HDAC4: variants seen among roughly 807,000 people sequenced by gnomAD.
HDAC4 encodes the protein histone deacetylase 4.
Under a neutral mutation model 135.1 loss-of-function variants are expected in HDAC4, and 16 were observed. That is an observed-to-expected ratio of 0.12 (90% CI 0.08 to 0.18). The LOEUF (loss-of-function observed/expected upper bound fraction) is 0.18. Among genes scored for constraint, HDAC4 ranks in the 10% least tolerant of loss-of-function variants. The pLI, the probability that HDAC4 is intolerant of heterozygous loss-of-function variation, is 1.00. For synonymous variants in HDAC4, 685 were observed against 653.4 expected (o/e 1.05, Z -0.74); for missense variants, 1,143 against 1,511.8 (o/e 0.76, Z 4.05).
chr2:239,151,242 G>C (rs1575202540), intron 7 of HDAC4, among the ~76,000 whole-genome samples: 1 of 152,336 alleles, frequency 6.6e-6, no homozygotes, highest in East Asian at 1.9e-4. Context: ...ATGAGCTGTG[G>C]GACTTGACTA....
intron 1 of HDAC4, among the ~76,000 whole-genome samples, chr2:239,390,019 C>G (rs959586188): frequency 6.6e-6 from 1 of 152,136 alleles, no homozygotes; most frequent in African/African-American, 2.4e-5. Context: ...CTGGGAGCAG[C>G]GGGCAGGGCC....
At chr2:239,261,941 C>T (rs2049396969) in intron 2 of HDAC4, among the ~76,000 whole-genome samples, 1 of 152,220 alleles carries the variant, frequency 6.6e-6, no homozygotes, top group African/African-American at 2.4e-5. Context: ...CCTCGGGTTG[C>T]CTGGCGCCAT....
chr2:239,363,428 C>T (rs961657411), intron 1 of HDAC4, among the ~76,000 whole-genome samples: 4 of 152,180 alleles, frequency 2.6e-5, no homozygotes, highest in Non-Finnish European at 4.4e-5. Flanking sequence ...GGAGAATATG[C>T]TAGAATGAGA....
intron 1 of HDAC4, among the ~76,000 whole-genome samples, chr2:239,398,267 T>A (rs1696700309): frequency 6.6e-6 from 1 of 152,240 alleles, no homozygotes; most frequent in South Asian, 2.1e-4. Flanking sequence ...ATGGTATGGA[T>A]GAATTCTACA....
chr2:239,254,656 A>C (rs919335789), intron 2 of HDAC4, among the ~76,000 whole-genome samples: 1 of 152,250 alleles, frequency 6.6e-6, no homozygotes. Context: ...CAAGGATAAA[A>C]GAATAAGATG....
At chr2:239,236,139 G>A (rs1427875433) in intron 3 of HDAC4, among the ~76,000 whole-genome samples, 3 of 152,200 alleles carry the variant, frequency 2.0e-5, no homozygotes, top group African/African-American at 7.2e-5. Flanking sequence ...AAAGGTACTT[G>A]GAAGACAGAT....
chr2:239,161,980 C>T (rs1457928713), intron 6 of HDAC4: 8 of 396,036 alleles, frequency 2.0e-5, no homozygotes, highest in South Asian at 5.5e-5. Flanking sequence ...GGCCACTGCC[C>T]GGCTTCTATT....
intron 3 of HDAC4, among the ~76,000 whole-genome samples, chr2:239,235,381 A>G (rs900389344): frequency 6.6e-6 from 1 of 152,218 alleles, no homozygotes; most frequent in Admixed American, 6.5e-5. Flanking sequence ...GCTGGCTTCA[A>G]CTTCCTTTCG....
At chr2:239,370,549 C>T (rs1271588351) in intron 1 of HDAC4, among the ~76,000 whole-genome samples, 2 of 152,244 alleles carry the variant, frequency 1.3e-5, no homozygotes, top group Non-Finnish European at 2.9e-5. Context: ...GCCTTGCCAG[C>T]CCTGGGGCCT....
intron 1 of HDAC4, among the ~76,000 whole-genome samples, chr2:239,378,398 C>A (rs1246886555): frequency 6.6e-6 from 1 of 152,214 alleles, no homozygotes; most frequent in Non-Finnish European, 1.5e-5. Context: ...GAACGAAGAG[C>A]TGAGTCACAT....
Position 239,066,715 on chromosome 2 carries a change from T to C in HDAC4, c.3003+7A>G, listed in dbSNP as rs1244100323. On this transcript the variant is annotated splice_region_variant and intron_variant, in intron 24 of 26. Transcript: ENST00000543185. ...AGCATCCTGTGGGGTCTCTGGGGTC[T>C]TCCTACCTCGTTTCCCAGCAAGGCA... 6.2e-7 allele frequency: 1 copy of C among 1,613,726 alleles called. No homozygotes were observed. Among genetic ancestry groups the C allele is most frequent in the Non-Finnish European group, 8.5e-7 (1 of 1,180,020 alleles).
At chr2:239,132,554 G>A (rs548462351) in intron 11 of HDAC4, among the ~76,000 whole-genome samples, 8 of 152,194 alleles carry the variant, frequency 5.3e-5, no homozygotes, top group South Asian at 2.1e-4. Context: ...GGCAGGGCAC[G>A]GTGGGCAGGT....
chr2:239,188,848 C>T (rs1455652130), intron 4 of HDAC4, among the ~76,000 whole-genome samples: 2 of 152,230 alleles, frequency 1.3e-5, no homozygotes, highest in Admixed American at 6.5e-5. Flanking sequence ...GGACCTCAGG[C>T]CTCCTGCCTG....
chr2:239,355,911 T>C (rs1693462792), intron 1 of HDAC4, among the ~76,000 whole-genome samples: 1 of 152,250 alleles, frequency 6.6e-6, no homozygotes, highest in Non-Finnish European at 1.5e-5. Flanking sequence ...CCTAACATAG[T>C]GCTGACAGCT....
intron 2 of HDAC4, among the ~76,000 whole-genome samples, chr2:239,337,279 C>T (rs1691999118): frequency 6.6e-6 from 1 of 152,162 alleles, no homozygotes; most frequent in Non-Finnish European, 1.5e-5. Context: ...CTCAGCTGTA[C>T]TCACCGGCGA....
intron 2 of HDAC4, among the ~76,000 whole-genome samples, chr2:239,259,203 CTTTGGGAGGCT>C (rs1392217410): frequency 1.3e-5 from 2 of 152,224 alleles, no homozygotes; most frequent in East Asian, 3.8e-4. Flanking sequence ...ATCCCCAACA[CTTTGGGAGGCT>C]GAGGTGGGCT....
At chr2:239,106,026 CCACCTGT>C (rs2038098914) in intron 15 of HDAC4, among the ~76,000 whole-genome samples, 1 of 152,204 alleles carries the variant, frequency 6.6e-6, no homozygotes, top group Non-Finnish European at 1.5e-5. Context: ...TGTCTCCCAG[CCACCTGT>C]CTTTCTCCAG....
chr2:239,283,353 C>T (rs912689611), intron 2 of HDAC4, among the ~76,000 whole-genome samples: 4 of 152,198 alleles, frequency 2.6e-5, no homozygotes, highest in East Asian at 1.9e-4. Context: ...GCCCAGGGTG[C>T]GGGCCTGAGG....
intron 2 of HDAC4, among the ~76,000 whole-genome samples, chr2:239,248,677 A>T (rs542599983): frequency 1.3e-5 from 2 of 152,296 alleles, no homozygotes; most frequent in East Asian, 1.9e-4. Context: ...TCATTCACAG[A>T]AGTAGTACTC....
Sources: allele counts gnomAD v4.1 joint callset (sites outside exome capture counted in the v4.1 genomes callset), GRCh38; gene constraint gnomAD v4.1.1; transcripts MANE v1.5; gene names NCBI Gene and HGNC (gene_info 2026-07-23, HGNC 2026-07-21).